SMARCA4: variants seen among roughly 807,000 people sequenced by gnomAD.
SMARCA4 encodes the protein SWI/SNF-related matrix-associated actin-dependent regulator of chromatin subfamily A member 4.
A neutral mutation model predicts 193.9 loss-of-function variants in SMARCA4; 31 were observed. The observed-to-expected ratio is 0.16, with a 90% CI of 0.12 to 0.22. SMARCA4 has a LOEUF of 0.22. Among genes scored for constraint, SMARCA4 ranks in the 10% least tolerant of loss-of-function variants. The probability of loss-of-function intolerance (pLI) is 1.00; values close to 1 mark genes in which losing one functional copy is unlikely to be tolerated. For synonymous variants in SMARCA4, 942 were observed against 933.1 expected, an observed-to-expected ratio of 1.01 and a Z score of -0.17; for missense variants, 1,148 against 2,296.0, an observed-to-expected ratio of 0.50 and a Z score of 10.22.
intron 23 of SMARCA4, among the ~76,000 whole-genome samples, chr19:11,027,570 T>TA (rs2090352439): frequency 1.3e-5 from 2 of 152,216 alleles, no homozygotes; most frequent in Non-Finnish European, 2.9e-5. Flanking sequence ...ACCCTGGTGA[T>TA]ACGCCTCCCC....
intron 16 of SMARCA4, among the ~76,000 whole-genome samples, chr19:11,016,882 T>C (rs1035809871): frequency 6.6e-6 from 1 of 152,158 alleles, no homozygotes. Context: ...TGTAGTCTAT[T>C]TCCCGCCCAC....
intron 1 of SMARCA4, among the ~76,000 whole-genome samples, chr19:10,983,869 G>A (rs1275527682): frequency 6.6e-6 from 1 of 152,126 alleles, no homozygotes; most frequent in Non-Finnish European, 1.5e-5. Flanking sequence ...AGCCCCTGAA[G>A]GCCCCTGTGG....
chr19:10,976,296 G>A lies in SMARCA4; in HGVS notation c.-31-7825G>A, dbSNP rs538601894. Among the ~76,000 whole-genome samples the A allele has an allele frequency of 1.1e-4, 16 of 152,118 alleles. No homozygotes were observed. In the East Asian group the frequency reaches 2.1e-3, roughly 20 times the overall value. ...GGCCTTCCCGTGTAGACATCTCGCCGGAGCAAGGTGCACCCAGCCCCACAC... is the reference window on the plus strand; with the variant it reads ...GGCCTTCCCGTGTAGACATCTCGCCAGAGCAAGGTGCACCCAGCCCCACAC... On this transcript the variant is annotated intron_variant, in intron 1 of 34. Transcript: ENST00000344626.
chr19:11,023,501 G>T lies in SMARCA4; in HGVS notation c.2860-17G>T. The T allele has an allele frequency of 1.3e-6, 2 of 1,540,416 alleles. No individual in the cohort carries two copies. The highest frequency in any genetic ancestry group is 1.1e-5 in the South Asian group (1 of 88,684). On this transcript the variant is annotated splice_polypyrimidine_tract_variant and intron_variant, in intron 19 of 34. Coordinates refer to ENST00000344626, the MANE Select transcript of SMARCA4 (RefSeq NM_003072.5). ...TTTGGAGGTAACGCTTGCTTCTCCT[G>T]TCTTGGGGGCTTCCAGGTGGACCTG...
chr19:11,036,377 A>G (rs1053919353), intron 29 of SMARCA4, among the ~76,000 whole-genome samples: 61 of 152,114 alleles, frequency 4.0e-4, no homozygotes, highest in Non-Finnish European at 6.5e-4. Flanking sequence ...CTCACACCTC[A>G]GCCTCCTGAG....
At chr19:10,970,798 A>G (rs1340845832) in intron 1 of SMARCA4, among the ~76,000 whole-genome samples, 3 of 152,162 alleles carry the variant, frequency 2.0e-5, no homozygotes, top group Non-Finnish European at 4.4e-5. Context: ...TTACTTGGAA[A>G]AGACCCACGC....
At chr19:10,973,567 A>ATT (rs35116273) in intron 1 of SMARCA4, among the ~76,000 whole-genome samples, 25 of 125,608 alleles carry the variant, frequency 2.0e-4, no homozygotes, top group South Asian at 5.4e-4. Flanking sequence ...CGCCCAGCTA[A>ATT]TTTTTTTTTT....
chr19:11,025,604 C>T lies in SMARCA4; in HGVS notation c.3168+96C>T, dbSNP rs533690037. On this transcript the variant is annotated intron_variant, in intron 22 of 34. Coordinates refer to ENST00000344626, the MANE Select transcript of SMARCA4 (RefSeq NM_003072.5). ...CTCGACAGCTCTTTAAAAACAGACTCGAATATTTTCATTAGGTAATGCCTG... is the reference window on the plus strand; with the variant it reads ...CTCGACAGCTCTTTAAAAACAGACTTGAATATTTTCATTAGGTAATGCCTG... 6.9e-6 allele frequency: 6 copies of T among 868,092 alleles called. No homozygotes were observed. In the East Asian group the frequency reaches 7.3e-5, roughly 11 times the overall value. 53.8% of individuals were successfully genotyped at this position (868,092 alleles called of 1,614,324 possible).
At chr19:10,974,663 A>T (rs1354727041) in intron 1 of SMARCA4, among the ~76,000 whole-genome samples, 1 of 94,840 alleles carries the variant, frequency 1.1e-5, no homozygotes, top group African/African-American at 4.0e-5. Context: ...ATGGATTAAC[A>T]TGCATATATA....
At chr19:10,975,824 C>T (rs991740536) in intron 1 of SMARCA4, among the ~76,000 whole-genome samples, 3 of 152,204 alleles carry the variant, frequency 2.0e-5, no homozygotes, top group Non-Finnish European at 2.9e-5. Flanking sequence ...GTTTCACTTC[C>T]GGTCATTCCT....
At chr19:11,015,328 C>CT (rs2089255052) in intron 16 of SMARCA4, among the ~76,000 whole-genome samples, 1 of 152,242 alleles carries the variant, frequency 6.6e-6, no homozygotes, top group Non-Finnish European at 1.5e-5. Context: ...ACTGTCACGT[C>CT]TGTGTGGCAT....
chr19:10,982,861 A>T (rs1480459383), intron 1 of SMARCA4, among the ~76,000 whole-genome samples: 1 of 152,220 alleles, frequency 6.6e-6, no homozygotes, highest in Admixed American at 6.5e-5. Flanking sequence ...TTCTTACAGA[A>T]TTTATCCTTA....
chr19:11,014,888 C>G (rs888716481), intron 16 of SMARCA4, among the ~76,000 whole-genome samples: 1 of 152,024 alleles, frequency 6.6e-6, no homozygotes, highest in Non-Finnish European at 1.5e-5. Flanking sequence ...TCTTGGTTCA[C>G]TGCAACCTCT....
intron 30 of SMARCA4, among the ~76,000 whole-genome samples, chr19:11,056,993 C>T (rs904563985): frequency 2.0e-5 from 3 of 152,216 alleles, no homozygotes; most frequent in Admixed American, 2.0e-4. Flanking sequence ...GCCCTGCCCT[C>T]TGGAATTTTC....
At position 11,039,548 on chromosome 19, in the gene SMARCA4, T is replaced by C. The variant is rs776681345; in HGVS notation, c.4171-1759T>C. 8 of 1,594,156 alleles carry C rather than the reference T, an allele frequency of 5.0e-6. No homozygotes were observed. In the Admixed American group the frequency reaches 1.2e-4, roughly 25 times the overall value. On this transcript the variant is annotated intron_variant, in intron 29 of 34. Transcript: ENST00000344626. The stretch of plus-strand genomic sequence containing the variant: ...TGGCCTTCAGTTCTGCACACGTGCG[T>C]CAAAGGTGGGGAGAGTTCTGGTGGT...
rs62639303 is a variant in SMARCA4, at chr19:10,986,541, T to C, written c.708T>C (p.Pro236=). ...SATGPGPGPG[P]GPGPGPGPAP... ...CAGGACCCGGCCCTGGCCCTGGCCCTGGCCCCGGCCCGGGTCCCGGCCCGG... is the reference window on the plus strand; with the variant it reads ...CAGGACCCGGCCCTGGCCCTGGCCCCGGCCCCGGCCCGGGTCCCGGCCCGG... The change falls in exon 4 of 35, where the codon CCT becomes CCC. Residue 236 remains proline, a synonymous_variant. Transcript: ENST00000344626. This position sits in a 1 kb window ranked among gnomAD's most constrained non-coding sequence, Gnocchi z 6.7. 3.6e-4 allele frequency: 556 copies of C among 1,540,592 alleles called. 1 individual carries two copies. The African/African-American group carries it at 6.6e-3, about 18-fold the overall frequency.
intron 11 of SMARCA4, among the ~76,000 whole-genome samples, chr19:10,997,861 A>G (rs1432517212): frequency 6.6e-6 from 1 of 152,178 alleles, no homozygotes. Context: ...CATAAAGACA[A>G]GGTTGTTTCT....
At chr19:10,982,469 C>G (rs934492264) in intron 1 of SMARCA4, among the ~76,000 whole-genome samples, 2 of 151,858 alleles carry the variant, frequency 1.3e-5, no homozygotes, top group African/African-American at 4.8e-5. Context: ...AGTGAAACTT[C>G]GTCTCAAAAA....
In SMARCA4 at chr19:10,991,791, C is replaced by T. The variant is rs567356883; in HGVS notation, c.1419+468C>T. Among the ~76,000 whole-genome samples the T allele has an allele frequency of 1.2e-4, 18 of 152,092 alleles. 1 individual carries two copies. The highest frequency in any genetic ancestry group is 1.1e-3 in the Admixed American group (17 of 15,274). On this transcript the variant is annotated intron_variant, in intron 8 of 34. Coordinates refer to ENST00000344626, the MANE Select transcript of SMARCA4 (RefSeq NM_003072.5). ...GCATGAGCCAGAGTAGAGTGAGTGG[C>T]GGGGAGAGCTGGAGGAAGGGAGCGC...
Sources: gnomAD v4.1 joint callset for allele counts (sites outside exome capture counted in the v4.1 genomes callset) on GRCh38, gnomAD v4.1.1 for gene constraint, Gnocchi (gnomAD v3.1) non-coding constraint, MANE v1.5 for transcripts, NCBI Gene and HGNC (gene_info 2026-07-23, HGNC 2026-07-21) for gene names.